PYGB: variants seen among roughly 807,000 people sequenced by gnomAD.
PYGB encodes the protein glycogen phosphorylase B, also known as glycogen phosphorylase, brain form.
A neutral mutation model predicts 94.3 loss-of-function variants in PYGB; 82 were observed. The observed-to-expected ratio is 0.87, with a 90% CI of 0.73 to 1.04. The LOEUF (loss-of-function observed/expected upper bound fraction) is 1.04, where lower values mean the gene tolerates loss of function less well. Among genes scored for constraint, PYGB ranks in the 50% least tolerant of loss-of-function variants. The probability of loss-of-function intolerance (pLI) is 0.00; values close to 1 mark genes in which losing one functional copy is unlikely to be tolerated. For synonymous variants in PYGB, 488 were observed against 479.1 expected (o/e 1.02, Z -0.24); for missense variants, 1,132 against 1,158.2 (o/e 0.98, Z 0.33).
Position 25,292,329 on chromosome 20 carries a change from C to T in PYGB, c.1970-77C>T, listed in dbSNP as rs2088475219. 6 of 1,527,868 alleles carry T rather than the reference C, an allele frequency of 3.9e-6. No individual in the cohort carries two copies. In the South Asian group the frequency reaches 4.6e-5, roughly 12 times the overall value. 94.6% of individuals were successfully genotyped at this position (1,527,868 alleles called of 1,614,324 possible). A position where few individuals can be genotyped will look rare whatever the true frequency, so the allele number is the denominator to read the frequency against. On this transcript the variant is annotated intron_variant, in intron 16 of 19. Transcript: ENST00000216962. ...ACCCAGCCCCGGGTGGATGGGCCGG[C>T]TTGTCCTGCAGTGAGCCTTGCGGCT...
At chr20:25,291,138 G>C (rs2088463843) in intron 16 of PYGB, among the ~76,000 whole-genome samples, 1 of 152,152 alleles carries the variant, frequency 6.6e-6, no homozygotes, top group African/African-American at 2.4e-5. Context: ...CCACATCCTT[G>C]CTCCTCACTG....
At chr20:25,254,359 A>G (rs543761367) in intron 1 of PYGB, among the ~76,000 whole-genome samples, 28 of 152,332 alleles carry the variant, frequency 1.8e-4, no homozygotes, top group African/African-American at 6.7e-4. Flanking sequence ...TATTATTATT[A>G]TTATTAAACG....
Position 25,296,595 on chromosome 20 carries a change from C to T in PYGB, c.*73C>T, listed in dbSNP as rs41282340. ...CTTTGCACCTCCTTTTTTCCCCAAA[C>T]ACTTTGCCAGCCACTGGTGGTCCCT... On this transcript the variant is annotated 3_prime_UTR_variant, in exon 20 of 20. Transcript: ENST00000216962. 5,400 of 1,529,628 alleles carry T rather than the reference C, an allele frequency of 3.5e-3. 23 individuals carry two copies. Among genetic ancestry groups the T allele is most frequent in the African/African-American group, 0.019 (1,379 of 73,284 alleles). The allele number at this position is 1,529,628 out of a possible 1,614,324, so 94.8% of individuals were successfully genotyped here.
intron 2 of PYGB, among the ~76,000 whole-genome samples, chr20:25,268,354 T>A (rs542115609): frequency 4.7e-4 from 71 of 152,090 alleles, no homozygotes; most frequent in Non-Finnish European, 8.2e-4. Flanking sequence ...ACTACCACTC[T>A]TCTCAATGGA....
At chr20:25,292,278 G>A (rs2088474697) in intron 16 of PYGB, 128 bp from the exon 17 acceptor site, 26 of 844,664 alleles carry the variant, frequency 3.1e-5, no homozygotes, top group Admixed American at 5.3e-5. Context: ...GGGCTGGAGC[G>A]GGGCCACAGC....
intron 16 of PYGB, among the ~76,000 whole-genome samples, chr20:25,291,465 C>A (rs1215589809): frequency 6.6e-6 from 1 of 152,222 alleles, no homozygotes; most frequent in East Asian, 1.9e-4. Flanking sequence ...TCTGCAAGCT[C>A]CGTGGTGCAG....
intron 1 of PYGB, among the ~76,000 whole-genome samples, chr20:25,256,823 C>T (rs945473119): frequency 2.6e-5 from 4 of 152,240 alleles, no homozygotes; most frequent in African/African-American, 4.8e-5. Context: ...CATGGAAGAG[C>T]TAGGTCCCTA....
At chr20:25,267,676 G>A (rs922830018) in intron 2 of PYGB, among the ~76,000 whole-genome samples, 4 of 152,104 alleles carry the variant, frequency 2.6e-5, no homozygotes, top group Admixed American at 6.6e-5. Context: ...GACTGTAGGC[G>A]TGCACCACCG....
chr20:25,261,584 CA>C (rs1399255423), intron 2 of PYGB, among the ~76,000 whole-genome samples: 1 of 152,198 alleles, frequency 6.6e-6, no homozygotes, highest in Non-Finnish European at 1.5e-5. Context: ...TCTTCTCCTC[CA>C]AAGGAACGCA....
intron 13 of PYGB, among the ~76,000 whole-genome samples, chr20:25,283,596 C>A (rs1016702148): frequency 2.6e-5 from 4 of 152,246 alleles, no homozygotes; most frequent in African/African-American, 9.6e-5. Context: ...GAAGCCGATT[C>A]CAGCGTGGTA....
chr20:25,248,780 C>G (rs2092879016), intron 1 of PYGB, among the ~76,000 whole-genome samples: 1 of 152,270 alleles, frequency 6.6e-6, no homozygotes, highest in East Asian at 1.9e-4. Flanking sequence ...CTGCCTCCAG[C>G]CACTCTTTGT....
At chr20:25,293,683 G>A (rs2088496282) in intron 17 of PYGB, among the ~76,000 whole-genome samples, 1 of 152,126 alleles carries the variant, frequency 6.6e-6, no homozygotes, top group Non-Finnish European at 1.5e-5. Context: ...CTGCCCGTCC[G>A]TCCCTCTCCC....
At chr20:25,248,490 G>T in intron 1 of PYGB, 69 bp downstream of exon 1, 1 of 1,290,358 alleles carries the variant, frequency 7.7e-7, no homozygotes. Context: ...CCGCGCCAGC[G>T]GGGGTCTCTG....
At position 25,281,119 on chromosome 20, in the gene PYGB, G is replaced by A. The variant is rs767422443; in HGVS notation, c.1403+7G>A. 1 of 1,614,004 alleles carries A rather than the reference G, an allele frequency of 6.2e-7. No individual in the cohort carries two copies. Among genetic ancestry groups the A allele is most frequent in the Admixed American group, 1.7e-5 (1 of 60,014 alleles). On this transcript the variant is annotated splice_region_variant and intron_variant, in intron 11 of 19. Transcript: ENST00000216962. ...AGATCGTGAAACAGTCGGTGTGAGT[G>A]GGGCGCTTGCCCGAGCGGGGCCAGC...
chr20:25,264,255 T>G (rs532332825), intron 2 of PYGB, among the ~76,000 whole-genome samples: 134 of 152,292 alleles, frequency 8.8e-4, no homozygotes, highest in Non-Finnish European at 1.5e-3. Flanking sequence ...CTCAATAAAC[T>G]AGGTATTGAT....
intron 4 of PYGB, among the ~76,000 whole-genome samples, chr20:25,272,382 G>GT (rs1333770710): frequency 6.6e-6 from 1 of 152,200 alleles, no homozygotes; most frequent in African/African-American, 2.4e-5. Flanking sequence ...CATGGCGTCT[G>GT]TAAGACTCAT....
intron 2 of PYGB, among the ~76,000 whole-genome samples, chr20:25,260,079 G>A (rs76204829): frequency 0.014 from 2,202 of 152,216 alleles, 48 homozygotes; most frequent in African/African-American, 0.048. Flanking sequence ...GCTGGGAGGC[G>A]GCTCAACATT....
chr20:25,288,673 G>A (rs919816939), intron 15 of PYGB, 190 bp downstream of exon 15: 3 of 655,558 alleles, frequency 4.6e-6, no homozygotes, highest in Non-Finnish European at 7.7e-6. Context: ...GAAGCCTCCT[G>A]CCTGCCCAGC....
intron 14 of PYGB, among the ~76,000 whole-genome samples, chr20:25,286,799 C>T (rs1353776666): frequency 1.3e-5 from 2 of 152,340 alleles, no homozygotes; most frequent in African/African-American, 4.8e-5. Context: ...GAGCTCTCTG[C>T]CCAGAGTGCC....
Sources: allele counts gnomAD v4.1 joint callset (sites outside exome capture counted in the v4.1 genomes callset), GRCh38; gene constraint gnomAD v4.1.1; transcripts MANE v1.5; gene names NCBI Gene and HGNC (gene_info 2026-07-23, HGNC 2026-07-21).